SLC24A2: variants seen among roughly 807,000 people sequenced by gnomAD.
SLC24A2 encodes the protein sodium/potassium/calcium exchanger 2.
SLC24A2 carries 36 observed loss-of-function variants against 62.0 expected under a neutral mutation model. The observed-to-expected ratio is 0.58, with a 90% CI of 0.44 to 0.77. The LOEUF (loss-of-function observed/expected upper bound fraction) is 0.77, where lower values mean the gene tolerates loss of function less well. SLC24A2 is among the 30% of genes least tolerant of loss of function. SLC24A2 has a pLI of 0.00. For synonymous variants in SLC24A2, 358 were observed against 294.0 expected, an observed-to-expected ratio of 1.22 and a Z score of -2.23; for missense variants, 846 against 817.9, an observed-to-expected ratio of 1.03 and a Z score of -0.42.
the SLC24A2 span, among the ~76,000 whole-genome samples, chr9:19,984,302 A>C: frequency 3.9e-5 from 6 of 152,202 alleles, no homozygotes; most frequent in African/African-American, 1.4e-4. Flanking sequence ...TTGAAAAAGA[A>C]GAATATTGGA....
the SLC24A2 span, among the ~76,000 whole-genome samples, chr9:20,278,404 C>CA: frequency 6.6e-6 from 1 of 152,260 alleles, no homozygotes; most frequent in South Asian, 2.1e-4. Context: ...ACAACCAAGA[C>CA]ACATCTTGAA....
the SLC24A2 span, among the ~76,000 whole-genome samples, chr9:20,182,385 T>G: frequency 6.6e-6 from 1 of 152,182 alleles, no homozygotes; most frequent in Non-Finnish European, 1.5e-5. Flanking sequence ...GGAACCAACC[T>G]AAATGTCCAT....
At chr9:20,302,556 G>A in the SLC24A2 span, among the ~76,000 whole-genome samples, 1 of 152,066 alleles carries the variant, frequency 6.6e-6, no homozygotes, top group South Asian at 2.1e-4. Context: ...TGAGATCTTT[G>A]GCTTATTTTC....
the SLC24A2 span, among the ~76,000 whole-genome samples, chr9:19,826,144 AG>A: frequency 6.7e-6 from 1 of 149,962 alleles, no homozygotes; most frequent in Non-Finnish European, 1.5e-5. Context: ...AAAATATGAC[AG>A]AAGTAGTTTC....
the SLC24A2 span, among the ~76,000 whole-genome samples, chr9:19,850,042 T>A: frequency 6.6e-6 from 1 of 150,426 alleles, no homozygotes; most frequent in Non-Finnish European, 1.5e-5. Context: ...TTTTGTAGGA[T>A]GAATGTTATG....
chr9:20,116,340 G>A, the SLC24A2 span, among the ~76,000 whole-genome samples: 1 of 152,080 alleles, frequency 6.6e-6, no homozygotes, highest in South Asian at 2.1e-4. Context: ...GCAGATCTTA[G>A]AACCCTTAAG....
chr9:19,691,646 G>A (rs1820049539), intron 2 of SLC24A2, among the ~76,000 whole-genome samples: 1 of 152,078 alleles, frequency 6.6e-6, no homozygotes, highest in Non-Finnish European at 1.5e-5. Context: ...TTATTTCTCT[G>A]GTTAAAAGTA....
the SLC24A2 span, among the ~76,000 whole-genome samples, chr9:19,821,150 A>G: frequency 6.6e-6 from 1 of 152,050 alleles, no homozygotes; most frequent in Non-Finnish European, 1.5e-5. Flanking sequence ...ACACTTCTGT[A>G]TCCCCCAGAG....
chr9:19,664,203 C>A (rs972741578), intron 2 of SLC24A2, among the ~76,000 whole-genome samples: 1 of 152,192 alleles, frequency 6.6e-6, no homozygotes, highest in Non-Finnish European at 1.5e-5. Flanking sequence ...AGACACTCAG[C>A]ATGTAGGAGT....
chr9:20,011,749 A>T, the SLC24A2 span, among the ~76,000 whole-genome samples: 1 of 152,200 alleles, frequency 6.6e-6, no homozygotes, highest in Non-Finnish European at 1.5e-5. Context: ...AATTTTACCA[A>T]GACACATCAT....
At chr9:20,225,710 A>T in the SLC24A2 span, among the ~76,000 whole-genome samples, 12 of 150,150 alleles carry the variant, frequency 8.0e-5, no homozygotes, top group African/African-American at 2.7e-4. Flanking sequence ...ACAATAAAAA[A>T]TATGTAAGTT....
At chr9:20,251,783 T>A in the SLC24A2 span, among the ~76,000 whole-genome samples, 7 of 152,208 alleles carry the variant, frequency 4.6e-5, no homozygotes, top group African/African-American at 1.7e-4. Context: ...AACAGCTCAA[T>A]GATTCTCCAA....
chr9:19,715,637 A>G (rs765337529), intron 2 of SLC24A2, among the ~76,000 whole-genome samples: 2 of 152,226 alleles, frequency 1.3e-5, no homozygotes, highest in Non-Finnish European at 2.9e-5. Context: ...ACCCAGGTAC[A>G]GTCCACAAAT....
intron 6 of SLC24A2, among the ~76,000 whole-genome samples, chr9:19,576,485 C>A (rs1198940934): frequency 6.6e-6 from 1 of 152,122 alleles, no homozygotes; most frequent in East Asian, 1.9e-4. Context: ...GTGCCATAAG[C>A]AATATCACAG....
chr9:20,043,196 T>G, the SLC24A2 span, among the ~76,000 whole-genome samples: 1 of 152,082 alleles, frequency 6.6e-6, no homozygotes, highest in Non-Finnish European at 1.5e-5. Flanking sequence ...AAGGTATAAA[T>G]GTAAAGGAAA....
chr9:20,290,628 C>A, the SLC24A2 span, among the ~76,000 whole-genome samples: 46 of 152,296 alleles, frequency 3.0e-4, no homozygotes, highest in Non-Finnish European at 5.3e-4. Flanking sequence ...ACCTGCAGCT[C>A]CTGCAGGTTT....
chr9:19,563,787 TTATAATGAC>T (rs1441825015), intron 7 of SLC24A2, among the ~76,000 whole-genome samples: 597 of 43,526 alleles, frequency 0.014, 79 homozygotes, highest in East Asian at 0.072. Context: ...CTGTTGGTTT[TTATAATGAC>T]CCTTCCTTCC....
chr9:19,938,833 C>T, the SLC24A2 span, among the ~76,000 whole-genome samples: 3 of 152,164 alleles, frequency 2.0e-5, no homozygotes, highest in Non-Finnish European at 2.9e-5. Flanking sequence ...ACATTTTGCT[C>T]CGCACATTTT....
chr9:20,111,006 G>A, the SLC24A2 span, among the ~76,000 whole-genome samples: 1 of 152,158 alleles, frequency 6.6e-6, no homozygotes, highest in African/African-American at 2.4e-5. Flanking sequence ...ATCATAAGGT[G>A]AAATATGGTA....
Sources: gnomAD v4.1 joint callset for allele counts (sites outside exome capture counted in the v4.1 genomes callset) on GRCh38, gnomAD v4.1.1 for gene constraint, MANE v1.5 for transcripts, NCBI Gene and HGNC (gene_info 2026-07-23, HGNC 2026-07-21) for gene names.